PHF14: variants seen among roughly 807,000 people sequenced by gnomAD.
The protein encoded by PHF14 is PHD finger protein 14.
A neutral mutation model predicts 117.9 loss-of-function variants in PHF14; 55 were observed. The ratio of observed to expected loss-of-function variants is 0.47; its 90% confidence interval spans 0.38 to 0.58. The LOEUF (loss-of-function observed/expected upper bound fraction) is 0.58, where lower values mean the gene tolerates loss of function less well. PHF14 is among the 20% of genes least tolerant of loss of function. The probability of loss-of-function intolerance (pLI) is 0.00; values close to 1 mark genes in which losing one functional copy is unlikely to be tolerated. For synonymous variants in PHF14, 409 were observed against 368.6 expected, an observed-to-expected ratio of 1.11 and a Z score of -1.26; for missense variants, 978 against 1,122.2, an observed-to-expected ratio of 0.87 and a Z score of 1.84.
intron 16 of PHF14, among the ~76,000 whole-genome samples, chr7:11,092,891 C>G (rs968630915): frequency 1.1e-4 from 16 of 152,126 alleles, no homozygotes; most frequent in African/African-American, 3.9e-4. Flanking sequence ...AAGTAACACA[C>G]CAGTTAAAGG....
At chr7:11,078,318 A>T (rs563729739) in intron 16 of PHF14, among the ~76,000 whole-genome samples, 1 of 152,262 alleles carries the variant, frequency 6.6e-6, no homozygotes, top group South Asian at 2.1e-4. Flanking sequence ...ATCTTAGTGA[A>T]TAACAGAATA....
intron 13 of PHF14, among the ~76,000 whole-genome samples, chr7:11,047,926 A>AGAGGGAGGGGGAGGGAGAGG (rs1583409960): frequency 1.3e-5 from 1 of 79,676 alleles, no homozygotes; most frequent in Non-Finnish European, 2.3e-5. Flanking sequence ...AAGGGAAGGG[A>AGAGGGAGGGGGAGGGAGAGG]GAGGGAGGGG....
intron 14 of PHF14, among the ~76,000 whole-genome samples, chr7:11,057,736 A>G (rs963929618): frequency 7.9e-5 from 12 of 152,202 alleles, no homozygotes; most frequent in African/African-American, 2.7e-4. Context: ...CAGTTTAAAT[A>G]CATTGTCTCT....
At chr7:11,011,760 A>T (rs1033198170) in intron 4 of PHF14, among the ~76,000 whole-genome samples, 1 of 152,166 alleles carries the variant, frequency 6.6e-6, no homozygotes, top group Non-Finnish European at 1.5e-5. Flanking sequence ...CTTCCTTTTT[A>T]GAGGAAGGGA....
chr7:11,099,574 C>T (rs972999848), intron 16 of PHF14, among the ~76,000 whole-genome samples: 2 of 152,002 alleles, frequency 1.3e-5, no homozygotes, highest in Admixed American at 1.3e-4. Flanking sequence ...TTAATTTATC[C>T]TCCATTGCAG....
At chr7:10,999,959 A>G (rs1292153940) in intron 4 of PHF14, among the ~76,000 whole-genome samples, 1 of 152,224 alleles carries the variant, frequency 6.6e-6, no homozygotes, top group Non-Finnish European at 1.5e-5. Context: ...AAACTAATTC[A>G]TTAGAATTGG....
intron 17 of PHF14, among the ~76,000 whole-genome samples, chr7:11,161,498 T>G (rs1789022536): frequency 6.6e-6 from 1 of 151,924 alleles, no homozygotes; most frequent in African/African-American, 2.4e-5. Context: ...CTCTGAAAAT[T>G]TTAATGGGCC....
intron 16 of PHF14, among the ~76,000 whole-genome samples, chr7:11,099,508 G>A (rs1205682897): frequency 6.6e-6 from 1 of 152,052 alleles, no homozygotes; most frequent in East Asian, 1.9e-4. Flanking sequence ...ACCTACAGCA[G>A]TGAAATAGTT....
At position 10,982,390 on chromosome 7, in the gene PHF14, A is replaced by G; in HGVS notation, c.131A>G (p.Asn44Ser). 6.4e-7 allele frequency: 1 copy of G among 1,562,858 alleles called. No homozygotes were observed. Among genetic ancestry groups the G allele is most frequent in the Non-Finnish European group, 8.6e-7 (1 of 1,163,178 alleles). Reference sequence around the variant, plus strand: ...TCAACAGATTCTGAAGGGAGTGGTAATGGAAGTGAAGATGCTTCAAAGGAC... The same window carrying G: ...TCAACAGATTCTGAAGGGAGTGGTAGTGGAAGTGAAGATGCTTCAAAGGAC... ...GDASDSEGSG[N>S]GSEDASKDSG... is the part of the protein sequence containing the mutation. The change falls in exon 3 of 18, where the codon AAT (asparagine) becomes AGT (serine). Residue 44 changes from asparagine (N) to serine (S), a missense_variant. Asn to Ser is a conservative substitution (Grantham distance 46). This residue lies in a region of PHF14 where 414 missense variants were observed against 376.4 expected (regional missense o/e 1.10). Coordinates refer to ENST00000634607, the MANE Select transcript of PHF14 (RefSeq NM_001007157.2).
intron 17 of PHF14, among the ~76,000 whole-genome samples, chr7:11,133,278 C>A (rs1788134229): frequency 6.6e-6 from 1 of 151,732 alleles, no homozygotes; most frequent in African/African-American, 2.4e-5. Context: ...AGTCAGAGGA[C>A]TGACACTACC....
chr7:11,009,400 A>G (rs1006109124), intron 4 of PHF14, among the ~76,000 whole-genome samples: 2 of 152,230 alleles, frequency 1.3e-5, no homozygotes, highest in Non-Finnish European at 2.9e-5. Context: ...AGTTGTGTAC[A>G]TTGCATATAT....
chr7:11,136,103 C>A (rs1788213189), intron 17 of PHF14, among the ~76,000 whole-genome samples: 1 of 152,166 alleles, frequency 6.6e-6, no homozygotes, highest in Non-Finnish European at 1.5e-5. Context: ...AGCTTCTTGT[C>A]CTTTCTTCTA....
intron 14 of PHF14, 22 bp downstream of exon 14, chr7:11,051,802 A>G (rs200241568): frequency 1.2e-6 from 2 of 1,605,934 alleles, no homozygotes; most frequent in African/African-American, 1.3e-5. Flanking sequence ...TTTATTTATC[A>G]TAAGCATCAT....
intron 13 of PHF14, among the ~76,000 whole-genome samples, chr7:11,047,722 G>A (rs1186488322): frequency 2.7e-5 from 4 of 150,814 alleles, no homozygotes; most frequent in Non-Finnish European, 5.9e-5. Flanking sequence ...GGAGGCTGAG[G>A]CTACAATGAG....
intron 17 of PHF14, among the ~76,000 whole-genome samples, chr7:11,129,976 T>G (rs2128348449): frequency 6.6e-6 from 1 of 152,142 alleles, no homozygotes; most frequent in Non-Finnish European, 1.5e-5. Context: ...ACAGAAGTAT[T>G]AATTAGGATA....
intron 17 of PHF14, among the ~76,000 whole-genome samples, chr7:11,112,115 A>T: frequency 6.6e-6 from 1 of 152,162 alleles, no homozygotes; most frequent in Non-Finnish European, 1.5e-5. Flanking sequence ...GAGTAAGTAA[A>T]TAGCCAGACT....
intron 17 of PHF14, among the ~76,000 whole-genome samples, chr7:11,141,279 T>A (rs1305682147): frequency 6.6e-6 from 1 of 152,102 alleles, no homozygotes; most frequent in Non-Finnish European, 1.5e-5. Flanking sequence ...GTTATCTCTG[T>A]AATTAAGAAA....
In PHF14 at chr7:11,109,538, C is replaced by T. The variant is rs187331830; in HGVS notation, c.2655-1812C>T. 11 of 151,946 alleles carry T rather than the reference C, an allele frequency of 7.2e-5. No homozygotes were observed. The East Asian group carries it at 2.1e-3, about 29-fold the overall frequency. The allele number at this position is 151,946 out of a possible 1,614,324, so 9.4% of individuals were successfully genotyped here. Reference sequence around the variant, plus strand: ...TCAGTTATTTAGAAATCTCAGCCTTCTCATAAACTCAGAAATACTTATACT... The same window carrying T: ...TCAGTTATTTAGAAATCTCAGCCTTTTCATAAACTCAGAAATACTTATACT... On this transcript the variant is annotated intron_variant, in intron 16 of 17. Transcript: ENST00000634607.
At chr7:11,088,721 G>A in intron 16 of PHF14, among the ~76,000 whole-genome samples, 1 of 152,060 alleles carries the variant, frequency 6.6e-6, no homozygotes, top group Middle Eastern at 3.4e-3. Flanking sequence ...GTTATAGTAG[G>A]AAAATTATTC....
Sources: gnomAD v4.1 joint callset for allele counts (sites outside exome capture counted in the v4.1 genomes callset) on GRCh38, gnomAD v4.1.1 for gene constraint, gnomAD v4.1.1 regional missense constraint, MANE v1.5 for transcripts, NCBI Gene and HGNC (gene_info 2026-07-23, HGNC 2026-07-21) for gene names.